The following TXNRD1 variants were observed in gnomAD, a reference collection of about 807,000 sequenced individuals.
TXNRD1 encodes the protein thioredoxin reductase 1, also known as thioredoxin reductase 1, cytoplasmic.
A neutral mutation model predicts 80.3 loss-of-function variants in TXNRD1; 57 were observed. The observed-to-expected ratio is 0.71, with a 90% CI of 0.57 to 0.89. TXNRD1 has a LOEUF of 0.89. Among genes scored for constraint, TXNRD1 ranks in the 40% least tolerant of loss-of-function variants. The pLI, the probability that TXNRD1 is intolerant of heterozygous loss-of-function variation, is 0.00. For missense variants in TXNRD1, 730 were observed against 803.0 expected (o/e 0.91, Z 1.10); for synonymous variants, 291 against 285.2 (o/e 1.02, Z -0.20).
intron 16 of TXNRD1, among the ~76,000 whole-genome samples, chr12:104,340,945 T>C (rs951515784): frequency 3.3e-5 from 5 of 152,280 alleles, no homozygotes; most frequent in African/African-American, 1.2e-4. Flanking sequence ...TTATTGTCTT[T>C]TGTATATGAG....
chr12:104,338,131 C>T (rs2036200225), intron 15 of TXNRD1, among the ~76,000 whole-genome samples: 1 of 151,662 alleles, frequency 6.6e-6, no homozygotes, highest in Non-Finnish European at 1.5e-5. Flanking sequence ...TTAAGGGTCC[C>T]AGCTATTACA....
Position 104,310,231 on chromosome 12 carries a change from C to G in TXNRD1, c.415-1059C>G, listed in dbSNP as rs928554128. 3 of 1,010,970 alleles carry G rather than the reference C, an allele frequency of 3.0e-6. No homozygotes were observed. In the African/African-American group the frequency reaches 4.9e-5, roughly 17 times the overall value. 62.6% of individuals were successfully genotyped at this position (1,010,970 alleles called of 1,614,324 possible). ...GTGGCGCAATCTTGGCTCACTGCAA[C>G]GTCTGCCTCCCGGGTTCAAGCGCTT... On this transcript the variant is annotated intron_variant, in intron 4 of 16. Coordinates refer to ENST00000525566, the MANE Select transcript of TXNRD1 (RefSeq NM_001093771.3).
intron 14 of TXNRD1, among the ~76,000 whole-genome samples, chr12:104,333,899 T>C (rs770622817): frequency 2.2e-4 from 33 of 152,224 alleles, no homozygotes; most frequent in Non-Finnish European, 4.0e-4. Context: ...GATAACAAGA[T>C]AGTATTGAGT....
At chr12:104,221,283 A>G (rs1254147973) in intron 1 of TXNRD1, among the ~76,000 whole-genome samples, 1 of 151,628 alleles carries the variant, frequency 6.6e-6, no homozygotes, top group Non-Finnish European at 1.5e-5. Flanking sequence ...CAACAAATCT[A>G]CCTGTTGGGT....
At position 104,326,328 on chromosome 12, in the gene TXNRD1, T is replaced by C; in HGVS notation, c.1309-19T>C. The C allele has an allele frequency of 6.5e-7, 1 of 1,533,624 alleles. No homozygotes were observed. Among genetic ancestry groups the C allele is most frequent in the South Asian group, 1.3e-5 (1 of 79,436 alleles). Reference sequence around the variant, plus strand: ...AAGCCTTTTTGTTATTAGTCACTAATATATTAATAATTTTTCAGGTGATGC... The same window carrying C: ...AAGCCTTTTTGTTATTAGTCACTAACATATTAATAATTTTTCAGGTGATGC... On this transcript the variant is annotated intron_variant, in intron 11 of 16. Transcript: ENST00000525566.
At chr12:104,330,189 T>G (rs1296711311) in intron 13 of TXNRD1, among the ~76,000 whole-genome samples, 5 of 152,252 alleles carry the variant, frequency 3.3e-5, no homozygotes, top group African/African-American at 1.2e-4. Context: ...TTTATCTCCC[T>G]GTTTTAGAGA....
At chr12:104,322,211 C>T (rs2035556529) in intron 10 of TXNRD1, among the ~76,000 whole-genome samples, 1 of 151,880 alleles carries the variant, frequency 6.6e-6, no homozygotes, top group Admixed American at 6.6e-5. Context: ...TCTAACAATT[C>T]TTGTGAGGAT....
chr12:104,294,198 G>T (rs1472010435), intron 4 of TXNRD1, among the ~76,000 whole-genome samples: 1 of 130,722 alleles, frequency 7.6e-6, no homozygotes, highest in Admixed American at 8.8e-5. Flanking sequence ...AAGAGGTGGA[G>T]GAGCAGAGTC....
chr12:104,328,176 TA>T (rs528499476), intron 13 of TXNRD1, among the ~76,000 whole-genome samples: 4,228 of 126,356 alleles, frequency 0.033, 190 homozygotes, highest in African/African-American at 0.11. Context: ...AAAAAAAAAT[TA>T]AAAAAAAAAA....
chr12:104,290,646 C>CT (rs58779823), intron 4 of TXNRD1, among the ~76,000 whole-genome samples: 1,596 of 144,106 alleles, frequency 0.011, 35 homozygotes, highest in African/African-American at 0.039. Context: ...TTGCAATGAG[C>CT]TGAGATTGCG....
At chr12:104,286,262 A>T (rs1054429077) in intron 3 of TXNRD1, 2 of 152,248 alleles carry the variant, frequency 1.3e-5, no homozygotes, top group African/African-American at 4.8e-5. Context: ...TAAGAACATG[A>T]GTAAGAGCAG....
chr12:104,329,574 G>A (rs1011225987), intron 13 of TXNRD1, among the ~76,000 whole-genome samples: 13 of 152,014 alleles, frequency 8.6e-5, no homozygotes, highest in African/African-American at 2.9e-4. Context: ...ACCCGAACTT[G>A]GGAGGTGAAG....
intron 4 of TXNRD1, chr12:104,303,921 C>T (rs1004535145): frequency 3.2e-6 from 5 of 1,569,566 alleles, no homozygotes; most frequent in African/African-American, 2.7e-5. Context: ...TAGGCGGCGG[C>T]GGAGGGAGCG....
intron 1 of TXNRD1, among the ~76,000 whole-genome samples, chr12:104,225,215 C>G (rs944413357): frequency 8.5e-5 from 13 of 152,108 alleles, no homozygotes; most frequent in African/African-American, 3.1e-4. Context: ...TTATTATGAT[C>G]CAGGTACTGT....
chr12:104,303,760 T>C (rs918081701), intron 4 of TXNRD1: 4 of 1,137,482 alleles, frequency 3.5e-6, no homozygotes, highest in Non-Finnish European at 3.6e-6. Flanking sequence ...TCCTCGGCTC[T>C]AACTGCCGCC....
At position 104,315,669 on chromosome 12, in the gene TXNRD1, A is replaced by C. The variant is rs751023997; in HGVS notation, c.611-108A>C. The C allele has an allele frequency of 3.2e-4, 415 of 1,301,442 alleles. 1 individual carries two copies. Among genetic ancestry groups the C allele is most frequent in the Non-Finnish European group, 4.1e-4 (393 of 968,176 alleles). 80.6% of individuals were successfully genotyped at this position (1,301,442 alleles called of 1,614,324 possible). On this transcript the variant is annotated intron_variant, in intron 6 of 16. Coordinates refer to ENST00000525566, the MANE Select transcript of TXNRD1 (RefSeq NM_001093771.3). ...ACTTTATTACTGACCACATTAAGCA[A>C]ATATAATACAATATTTCTTAGAGTT... is the stretch of plus-strand genomic sequence containing the variant.
chr12:104,239,073 A>G (rs961871883), intron 1 of TXNRD1, among the ~76,000 whole-genome samples: 2 of 152,078 alleles, frequency 1.3e-5, no homozygotes, highest in African/African-American at 4.8e-5. Context: ...AATGAATTGG[A>G]AAGTATCCCC....
At chr12:104,311,796 TGTG>T (rs2035142970) in intron 5 of TXNRD1, among the ~76,000 whole-genome samples, 1 of 151,860 alleles carries the variant, frequency 6.6e-6, no homozygotes, top group Admixed American at 6.6e-5. Flanking sequence ...GCCTGGCCAA[TGTG>T]GTGAAACTCC....
At chr12:104,285,416 T>C (rs2033950033) in intron 3 of TXNRD1, among the ~76,000 whole-genome samples, 2 of 152,220 alleles carry the variant, frequency 1.3e-5, no homozygotes, top group African/African-American at 2.4e-5. Context: ...GGTGCTACTC[T>C]GGGCATCTTT....
Sources: gnomAD v4.1 joint callset for allele counts (sites outside exome capture counted in the v4.1 genomes callset) on GRCh38, gnomAD v4.1.1 for gene constraint, MANE v1.5 for transcripts, NCBI Gene and HGNC (gene_info 2026-07-23, HGNC 2026-07-21) for gene names.